Variants in STK38 observed in about 807,000 individuals in gnomAD.
The protein encoded by STK38 is serine/threonine kinase 38.
STK38 carries 26 observed loss-of-function variants against 59.0 expected under a neutral mutation model. The observed-to-expected ratio is 0.44, with a 90% CI of 0.32 to 0.61. The LOEUF is 0.61. Ranked by LOEUF, STK38 falls within the 20% of genes least tolerant of loss-of-function variation. The probability of loss-of-function intolerance (pLI) is 0.04; values close to 1 mark genes in which losing one functional copy is unlikely to be tolerated. For missense variants in STK38, 433 were observed against 566.0 expected, an observed-to-expected ratio of 0.76 and a Z score of 2.38; for synonymous variants, 175 against 176.6, an observed-to-expected ratio of 0.99 and a Z score of 0.07.
rs148656542 is a variant in STK38 at position 36,503,616 on chromosome 6, T to C, written c.834+2967A>G. On this transcript the variant is annotated intron_variant, in intron 9 of 13. Transcript: ENST00000229812. ...AAACTCTTTAATTTAGAGATGAGGTTTACTCTACCAAAGATGAATGTAAAT... is the reference window on the plus strand; with the variant it reads ...AAACTCTTTAATTTAGAGATGAGGTCTACTCTACCAAAGATGAATGTAAAT... Among the ~76,000 whole-genome samples the C allele has an allele frequency of 2.6e-3, 393 of 152,310 alleles. 1 individual carries two copies. The highest frequency in any genetic ancestry group is 8.9e-3 in the African/African-American group (368 of 41,566).
chr6:36,534,139 A>G (rs1582458003), intron 2 of STK38, among the ~76,000 whole-genome samples: 1 of 152,336 alleles, frequency 6.6e-6, no homozygotes, highest in Admixed American at 6.5e-5. Context: ...TGAAACGTAA[A>G]GTTAGTCTAA....
At chr6:36,498,340 G>A (rs780051480) in intron 11 of STK38, 23 bp downstream of exon 11, 3 of 1,588,778 alleles carry the variant, frequency 1.9e-6, no homozygotes, top group Non-Finnish European at 8.5e-7. Flanking sequence ...TGAGAAAGAA[G>A]GTGGAGGGAT....
rs1777291253 is a variant in STK38 at position 36,517,791 on chromosome 6, A to G, written c.440T>C (p.Leu147Ser). ...ACTATAGAACATTTTCACAACCCACAAACTGTCTGCCTCCACTAGAATGTC... is the reference window on the plus strand; with the variant it reads ...ACTATAGAACATTTTCACAACCCACGAACTGTCTGCCTCCACTAGAATGTC... Reference protein sequence around the residue: ...ERDILVEADSLWVVKMFYSFQ... With the variant: ...ERDILVEADSSWVVKMFYSFQ... The change falls in exon 6 of 14, where the codon TTG (leucine) becomes TCG (serine). Residue 147 changes from leucine (L) to serine (S), a missense_variant. By Grantham distance (145) the Leu-to-Ser change is moderately radical (BLOSUM62 -2). Transcript: ENST00000229812. The G allele has an allele frequency of 1.2e-6, 2 of 1,614,042 alleles. No homozygotes were observed. Among genetic ancestry groups the G allele is most frequent in the Non-Finnish European group, 1.7e-6 (2 of 1,180,010 alleles).
rs919405114 is a variant in STK38, at chr6:36,496,716, G to A, written c.1262C>T (p.Pro421Leu). ...GACAATGCTGGTGGTGTTACCTGTT[G>A]GCTTAAGAATATCAGATTCTGGAAA... ...DEFPESDILK[P>L]TVATSNHPET... The change falls in exon 13 of 14, where the codon CCA becomes CTA. Residue 421 changes from proline to leucine, a missense_variant. Pro to Leu is a moderately conservative substitution (Grantham distance 98). Around this residue, in one of 3 missense-constraint regions of STK38, gnomAD observed 136 missense variants for 156.7 expected, o/e 0.87. Transcript: ENST00000229812. 3.7e-6 allele frequency: 6 copies of A among 1,610,972 alleles called. No individual in the cohort carries two copies. The highest frequency in any genetic ancestry group is 5.1e-6 in the Non-Finnish European group (6 of 1,177,744).
intron 1 of STK38, among the ~76,000 whole-genome samples, chr6:36,544,097 C>T (rs1377598656): frequency 2.0e-5 from 3 of 152,034 alleles, no homozygotes; most frequent in Non-Finnish European, 4.4e-5. Flanking sequence ...TAAAAAGATA[C>T]GCAGACAAAA....
intron 7 of STK38, among the ~76,000 whole-genome samples, chr6:36,508,680 C>T (rs1481647343): frequency 2.0e-5 from 3 of 152,224 alleles, no homozygotes. Context: ...CTCAGCCTGG[C>T]AGGCTTGTGC....
At chr6:36,537,294 A>G (rs1437216465) in intron 2 of STK38, among the ~76,000 whole-genome samples, 1 of 152,122 alleles carries the variant, frequency 6.6e-6, no homozygotes, top group Non-Finnish European at 1.5e-5. Context: ...AGTAAATAGA[A>G]CTCTCATATA....
chr6:36,533,818 G>C (rs923038459), intron 2 of STK38, among the ~76,000 whole-genome samples: 6 of 152,192 alleles, frequency 3.9e-5, no homozygotes, highest in Non-Finnish European at 5.9e-5. Context: ...TGAAATAACT[G>C]TCTCCACAGG....
intron 11 of STK38, 63 bp from the exon 12 acceptor site, chr6:36,497,938 CTTTTTTTTTT>C: frequency 1.5e-6 from 1 of 655,888 alleles, no homozygotes; most frequent in Non-Finnish European, 2.3e-6. Context: ...GAAAAACTTT[CTTTTTTTTTT>C]TTTTTTTTTG....
At position 36,530,855 on chromosome 6, in the gene STK38, A is replaced by G. The variant is rs192189528; in HGVS notation, c.132-5213T>C. On this transcript the variant is annotated intron_variant, in intron 2 of 13. Transcript: ENST00000229812. ...CCGGCATATGCCACCATGTGTGGCT[A>G]ATTTTTGTACTTTTAGTAGACACGG... 5.3e-4 allele frequency among the ~76,000 whole-genome samples: 80 copies of G among 151,524 alleles called. 1 individual carries two copies. The highest frequency in any genetic ancestry group is 4.9e-3 in the Admixed American group (74 of 15,192).
chr6:36,543,894 A>G (rs1025740413), intron 1 of STK38, among the ~76,000 whole-genome samples: 1 of 152,214 alleles, frequency 6.6e-6, no homozygotes, highest in African/African-American at 2.4e-5. Context: ...TGGGCCTCCC[A>G]AAGTGCTGGG....
At chr6:36,512,774 C>T (rs1431691034) in intron 7 of STK38, among the ~76,000 whole-genome samples, 1 of 151,942 alleles carries the variant, frequency 6.6e-6, no homozygotes, top group Non-Finnish European at 1.5e-5. Flanking sequence ...GATTCTCCTG[C>T]CTCAGCCTCC....
chr6:36,511,578 G>C (rs1355448291), intron 7 of STK38, among the ~76,000 whole-genome samples: 2 of 151,448 alleles, frequency 1.3e-5, no homozygotes, highest in African/African-American at 4.8e-5. Flanking sequence ...GGCTGGTCTT[G>C]AACTCCTGAC....
rs777770396 is a variant in STK38, at chr6:36,527,191, C to CAAAAAA, written c.132-1555_132-1550dup. Reference sequence around the variant, plus strand: ...TGGGTGACAGAGCAAGACTCCGTCTCAAAAAAAAAAAAAAAAATATATGTA... The same window carrying CAAAAAA: ...TGGGTGACAGAGCAAGACTCCGTCTCAAAAAAAAAAAAAAAAAAAAAAATATATGTA... On this transcript the variant is annotated intron_variant, in intron 2 of 13. Transcript: ENST00000229812. Among the ~76,000 whole-genome samples the CAAAAAA allele has an allele frequency of 4.8e-3, 219 of 45,996 alleles. 5 individuals are homozygous for CAAAAAA. Among genetic ancestry groups the CAAAAAA allele is most frequent in the African/African-American group, 0.021 (214 of 10,432 alleles). The allele number at this position is 45,996 out of a possible 152,430, so 30.2% of individuals were successfully genotyped here. A position where few individuals can be genotyped will look rare whatever the true frequency, so the allele number is the denominator to read the frequency against.
chr6:36,528,360 G>A (rs1777584972), intron 2 of STK38, among the ~76,000 whole-genome samples: 1 of 151,170 alleles, frequency 6.6e-6, no homozygotes, highest in East Asian at 1.9e-4. Context: ...GAGAGTTATT[G>A]TAATGATTCA....
At chr6:36,539,646 A>G (rs1182671076) in intron 2 of STK38, among the ~76,000 whole-genome samples, 1 of 152,140 alleles carries the variant, frequency 6.6e-6, no homozygotes, top group Admixed American at 6.5e-5. Context: ...CAGCTATTCA[A>G]TGAAACTGGC....
At chr6:36,542,465 T>C (rs986668326) in intron 1 of STK38, among the ~76,000 whole-genome samples, 8 of 152,208 alleles carry the variant, frequency 5.3e-5, no homozygotes, top group Admixed American at 2.6e-4. Context: ...AGATAAGTTA[T>C]AGAATATTTT....
intron 2 of STK38, among the ~76,000 whole-genome samples, chr6:36,534,628 G>C (rs1777742710): frequency 6.6e-6 from 1 of 151,900 alleles, no homozygotes; most frequent in African/African-American, 2.4e-5. Flanking sequence ...ACTCCAACCT[G>C]GGTTAAAGCA....
intron 9 of STK38, among the ~76,000 whole-genome samples, chr6:36,504,408 C>T (rs1776911011): frequency 6.6e-6 from 1 of 152,122 alleles, no homozygotes; most frequent in Non-Finnish European, 1.5e-5. Context: ...TTAGGCTTAA[C>T]CTAGAGCAGT....
Sources: allele counts gnomAD v4.1 joint callset (sites outside exome capture counted in the v4.1 genomes callset), GRCh38; gene constraint gnomAD v4.1.1; regional missense constraint gnomAD v4.1.1; transcripts MANE v1.5; gene names NCBI Gene and HGNC (gene_info 2026-07-23, HGNC 2026-07-21).